Variants in GON7 observed in about 807,000 individuals in gnomAD.
GON7 encodes GON7 subunit of KEOPS complex, also known as EKC/KEOPS complex subunit GON7.
A neutral mutation model predicts 7.6 loss-of-function variants in GON7; 2 were observed. The observed-to-expected ratio is 0.26, with a 90% CI of 0.11 to 0.83. The LOEUF (loss-of-function observed/expected upper bound fraction) is 0.83. Ranked by LOEUF, GON7 falls within the 40% of genes least tolerant of loss-of-function variation. The pLI is 0.65. For synonymous variants in GON7, 54 were observed against 56.6 expected (o/e 0.95, Z 0.20); for missense variants, 121 against 132.2 (o/e 0.92, Z 0.42).
In GON7 at chr14:93,203,510, AT is replaced by A. The variant is rs1267194622; in HGVS notation, c.*177del. 4 of 498,990 alleles carry A rather than the reference AT, an allele frequency of 8.0e-6. No individual in the cohort carries two copies. Among genetic ancestry groups the A allele is most frequent in the Admixed American group, 3.5e-5 (1 of 28,928 alleles). The allele number at this position is 498,990 out of a possible 1,614,324, so 30.9% of individuals were successfully genotyped here. On this transcript the variant is annotated 3_prime_UTR_variant, in exon 2 of 2. Transcript: ENST00000306954. ...TTTATTTCTCAAGAAAACAGATTTTATTTCTAAGCCTTTACTATCTTTGCTA... is the reference window on the plus strand; with the variant it reads ...TTTATTTCTCAAGAAAACAGATTTTATTCTAAGCCTTTACTATCTTTGCTA...
In GON7 at chr14:93,206,948, G is replaced by A; in HGVS notation, c.90C>T (p.Phe30=). 6.2e-7 allele frequency: 1 copy of A among 1,614,232 alleles called. No homozygotes were observed. The highest frequency in any genetic ancestry group is 8.5e-7 in the Non-Finnish European group (1 of 1,180,040). Residue 30 remains phenylalanine (F), a synonymous_variant, in exon 1 of 2, where the codon TTC becomes TTT. Transcript: ENST00000306954. ...SCEAPGDGDP[F]QGLLSGVAQM... The stretch of plus-strand genomic sequence containing the variant: ...GGGCCACGCCAGACAACAGGCCCTG[G>A]AAAGGGTCGCCGTCACCCGGCGCCT...
intron 1 of GON7, 76 bp downstream of exon 1, chr14:93,206,754 C>T (rs1888175251): frequency 7.0e-7 from 1 of 1,430,770 alleles, no homozygotes; most frequent in Middle Eastern, 2.0e-4. Context: ...TGCCACTCTA[C>T]ACGGGCTCCC....
rs2140092707 is a variant in GON7, at chr14:93,203,133, G to A, written c.*555C>T. ...ATTCATCAAAGTGGCATCATCTCAG[G>A]ATATGTGCATATTTGACGTGGGTAT... is the stretch of plus-strand genomic sequence containing the variant. On this transcript the variant is annotated 3_prime_UTR_variant, in exon 2 of 2. Coordinates refer to ENST00000306954, the MANE Select transcript of GON7 (RefSeq NM_032490.5). The A allele has an allele frequency of 6.5e-6, 1 of 152,872 alleles. No homozygotes were observed. The highest frequency in any genetic ancestry group is 3.4e-3 in the Middle Eastern group (1 of 294). 9.5% of individuals were successfully genotyped at this position (152,872 alleles called of 1,614,324 possible). A position where few individuals can be genotyped will look rare whatever the true frequency, so the allele number is the denominator to read the frequency against.
rs927694341 is a variant in GON7, at chr14:93,207,063, G to A, written c.-26C>T. ...GGTGACCGCTAAGCTTCCAGAACAC[G>A]ACACCGGGAAGCGCCACCCGGAGGC... On this transcript the variant is annotated 5_prime_UTR_variant, in exon 1 of 2. Transcript: ENST00000306954. The A allele has an allele frequency of 3.7e-6, 6 of 1,611,638 alleles. No individual in the cohort carries two copies. The highest frequency in any genetic ancestry group is 5.1e-6 in the Non-Finnish European group (6 of 1,179,484).
chr14:93,204,824 A>G (rs968399083), intron 1 of GON7, among the ~76,000 whole-genome samples: 51 of 152,126 alleles, frequency 3.4e-4, no homozygotes, highest in African/African-American at 1.2e-3. Context: ...CATTATTTCT[A>G]TTTTTTAAAA....
intron 1 of GON7, among the ~76,000 whole-genome samples, chr14:93,205,809 A>G (rs1311529290): frequency 6.6e-6 from 1 of 152,216 alleles, no homozygotes; most frequent in African/African-American, 2.4e-5. Flanking sequence ...ATACGTGATA[A>G]AATGAAGTCT....
chr14:93,205,823 CCA>C (rs1376106961), intron 1 of GON7, among the ~76,000 whole-genome samples: 1 of 152,088 alleles, frequency 6.6e-6, no homozygotes, highest in African/African-American at 2.4e-5. Flanking sequence ...GAAGTCTGTC[CCA>C]GTCTTTGGAA....
intron 1 of GON7, among the ~76,000 whole-genome samples, chr14:93,204,007 CT>C (rs200536959): frequency 6.6e-6 from 1 of 150,976 alleles, no homozygotes; most frequent in African/African-American, 2.4e-5. Flanking sequence ...CTCTTTTTTT[CT>C]TTTTTTTTGA....
chr14:93,206,326 G>A (rs1894343032), intron 1 of GON7, among the ~76,000 whole-genome samples: 1 of 151,704 alleles, frequency 6.6e-6, no homozygotes, highest in South Asian at 2.1e-4. Context: ...CTTTTAATAA[G>A]AGTGTCTGCC....
At chr14:93,206,723 G>T in intron 1 of GON7, 107 bp downstream of exon 1, 1 of 1,202,576 alleles carries the variant, frequency 8.3e-7, no homozygotes, top group Non-Finnish European at 1.1e-6. Flanking sequence ...TTCTTTCCTC[G>T]AGGCTCACTT....
In GON7 at chr14:93,203,595, CTTT is replaced by C; in HGVS notation, c.*90_*92del. ...TTGTCCCAGGAGAACAACACAAATGCTTTTTCCAAATTAGAGCATAAGTCTTCC... is the reference window on the plus strand; with the variant it reads ...TTGTCCCAGGAGAACAACACAAATGCTTCCAAATTAGAGCATAAGTCTTCC... On this transcript the variant is annotated 3_prime_UTR_variant, in exon 2 of 2. Coordinates refer to ENST00000306954, the MANE Select transcript of GON7 (RefSeq NM_032490.5). 9.0e-7 allele frequency: 1 copy of C among 1,111,166 alleles called. No individual in the cohort carries two copies. The allele number at this position is 1,111,166 out of a possible 1,614,324, so 68.8% of individuals were successfully genotyped here.
chr14:93,206,679 C>G (rs1405528874), intron 1 of GON7, 151 bp downstream of exon 1: 1 of 782,472 alleles, frequency 1.3e-6, no homozygotes, highest in African/African-American at 1.7e-5. Flanking sequence ...AGCCCCACTT[C>G]GCCTAGCCCG....
rs1255867914 is a variant in GON7 at position 93,203,766 on chromosome 14, A to G, written c.225T>C (p.Asp75=). The G allele has an allele frequency of 1.2e-6, 2 of 1,612,870 alleles. No homozygotes were observed. The highest frequency in any genetic ancestry group is 4.5e-5 in the East Asian group (2 of 44,864). ...DEDLDGDDED[D]AEDENNIDNR... ...TATCAATGTTATTTTCATCTTCTGCATCATCTTCATCATCACCTTTTAAAA... is the reference window on the plus strand; with the variant it reads ...TATCAATGTTATTTTCATCTTCTGCGTCATCTTCATCATCACCTTTTAAAA... The change falls in exon 2 of 2, where the codon GAT becomes GAC. Residue 75 remains aspartate, a synonymous_variant. Transcript: ENST00000306954.
intron 1 of GON7, among the ~76,000 whole-genome samples, chr14:93,205,836 C>T (rs1418325289): frequency 6.6e-6 from 1 of 152,158 alleles, no homozygotes; most frequent in Admixed American, 6.5e-5. Flanking sequence ...GTCTTTGGAA[C>T]CTGTTCCTAC....
intron 1 of GON7, among the ~76,000 whole-genome samples, chr14:93,204,811 T>A (rs909220729): frequency 1.3e-5 from 2 of 152,178 alleles, no homozygotes; most frequent in African/African-American, 2.4e-5. Flanking sequence ...TGATGGATAT[T>A]TGCATTATTT....
rs1366263075 is a variant in GON7 at position 93,203,702 on chromosome 14, T to A, written c.289A>T (p.Lys97Ter). The stretch of plus-strand genomic sequence containing the variant: ...GAAGGCTATTGTTAAGACGGTGTTT[T>A]TGGCCGTTTTGCAGATGGTCCATCG... ...NFDGPSAKRP[K>*]TPS is the part of the protein sequence containing the mutation. The change falls in exon 2 of 2, where the codon AAA becomes TAA. Residue 97 changes from lysine (K) to a stop codon, truncating the protein, a stop_gained. Coordinates refer to ENST00000306954, the MANE Select transcript of GON7 (RefSeq NM_032490.5). LOFTEE classifies it high-confidence loss of function. The A allele has an allele frequency of 6.2e-7, 1 of 1,614,038 alleles. No individual in the cohort carries two copies. The highest frequency in any genetic ancestry group is 2.2e-5 in the East Asian group (1 of 44,854).
rs1176939112 is a variant in GON7 at position 93,206,881 on chromosome 14, G to C, written c.157C>G (p.Gln53Glu). ...MVTELFDPLV[Q>E]GEVQHRVAAA... is the part of the protein sequence containing the mutation. ...GCCACCCGGTGCTGCACTTCCCCCT[G>C]TACCAGAGGGTCGAATAATTCCGTT... is the stretch of plus-strand genomic sequence containing the variant. Residue 53 changes from glutamine to glutamate, a missense_variant, in exon 1 of 2, where the codon CAG becomes GAG. Coordinates refer to ENST00000306954, the MANE Select transcript of GON7 (RefSeq NM_032490.5). The C allele has an allele frequency of 6.2e-7, 1 of 1,614,192 alleles. No homozygotes were observed. The highest frequency in any genetic ancestry group is 8.5e-7 in the Non-Finnish European group (1 of 1,180,048).
rs1352332019 is a variant in GON7 at position 93,203,476 on chromosome 14, G to C, written c.*212C>G. The C allele has an allele frequency of 2.0e-6, 1 of 494,430 alleles. No homozygotes were observed. Among genetic ancestry groups the C allele is most frequent in the Non-Finnish European group, 3.6e-6 (1 of 278,680 alleles). The allele number at this position is 494,430 out of a possible 1,614,324, so 30.6% of individuals were successfully genotyped here. On this transcript the variant is annotated 3_prime_UTR_variant, in exon 2 of 2. Transcript: ENST00000306954. ...ATGAAGTGTTCTATTTTCCTTCCAG[G>C]GTCTGAAATTTATTTCTCAAGAAAA...
intron 1 of GON7, among the ~76,000 whole-genome samples, chr14:93,205,590 C>T (rs1465429217): frequency 2.0e-5 from 3 of 151,550 alleles, no homozygotes; most frequent in South Asian, 2.1e-4. Flanking sequence ...TCGCTTGAAC[C>T]GGGGAGGGAG....
Sources: allele counts gnomAD v4.1 joint callset (sites outside exome capture counted in the v4.1 genomes callset), GRCh38; gene constraint gnomAD v4.1.1; transcripts MANE v1.5; gene names NCBI Gene and HGNC (gene_info 2026-07-23, HGNC 2026-07-21).